Variants in WDFY3 observed in about 807,000 individuals in gnomAD.
WDFY3 encodes the protein WD repeat and FYVE domain-containing protein 3.
Under a neutral mutation model 409.6 loss-of-function variants are expected in WDFY3, and 66 were observed. The ratio of observed to expected loss-of-function variants is 0.16; its 90% CI spans 0.13 to 0.20. The LOEUF (loss-of-function observed/expected upper bound fraction) is 0.20. Ranked by LOEUF, WDFY3 falls within the 10% of genes least tolerant of loss-of-function variation. WDFY3 has a pLI of 1.00. For synonymous variants in WDFY3, 1,521 were observed against 1,537.1 expected, an observed-to-expected ratio of 0.99 and a Z score of 0.25; for missense variants, 3,031 against 4,298.1, an observed-to-expected ratio of 0.71 and a Z score of 8.24.
chr4:84,767,765 G>T (rs1743931406), intron 30 of WDFY3, among the ~76,000 whole-genome samples: 1 of 152,268 alleles, frequency 6.6e-6, no homozygotes, highest in African/African-American at 2.4e-5. Flanking sequence ...ACTCTATGAA[G>T]GCTGAGAGAG....
At chr4:84,945,085 CT>C (rs1447021820) in intron 1 of WDFY3, among the ~76,000 whole-genome samples, 1 of 152,148 alleles carries the variant, frequency 6.6e-6, no homozygotes, top group Non-Finnish European at 1.5e-5. Context: ...CAGAATTCTG[CT>C]AACAAATCAA....
chr4:84,960,620 A>T (rs538086866), intron 1 of WDFY3, among the ~76,000 whole-genome samples: 1 of 152,250 alleles, frequency 6.6e-6, no homozygotes, highest in African/African-American at 2.4e-5. Flanking sequence ...ACAGTCTAAC[A>T]TGACTATGTA....
At chr4:84,952,871 T>C (rs567022178) in intron 1 of WDFY3, among the ~76,000 whole-genome samples, 2 of 152,246 alleles carry the variant, frequency 1.3e-5, no homozygotes, top group Non-Finnish European at 2.9e-5. Flanking sequence ...GAAAATAGTA[T>C]GGAGGGTCCT....
Position 84,691,722 on chromosome 4 carries a change from T to C in WDFY3, c.9113A>G (p.Asn3038Ser), listed in dbSNP as rs769886011. The C allele has an allele frequency of 1.9e-6, 3 of 1,614,172 alleles. No homozygotes were observed. Among genetic ancestry groups the C allele is most frequent in the Non-Finnish European group, 8.5e-7 (1 of 1,180,004 alleles). ...TDKGILAVEQ[N>S]KVLIPPTWNK... ...CCAGGTTGGTGGGATAAGAACCTTA[T>C]TCTGTTCCACCGCAAGAATACCTTT... The change falls in exon 60 of 68, where the codon AAT (asparagine) becomes AGT (serine). Residue 3038 changes from asparagine to serine, a missense_variant. Around this residue, in one of 16 missense-constraint regions of WDFY3, gnomAD observed 152 missense variants for 193.5 expected, o/e 0.79. Transcript: ENST00000295888.
In WDFY3 at chr4:84,796,652, C is replaced by T. The variant is rs749488309; in HGVS notation, c.3036G>A (p.Ala1012=). Residue 1012 remains alanine (A), a synonymous_variant, in exon 19 of 68, where the codon GCG becomes GCA. Coordinates refer to ENST00000295888, the MANE Select transcript of WDFY3 (RefSeq NM_014991.6). The part of the protein sequence containing the change: ...YRISKSLVKS[A]EGSTVPLTRV... ...TGGTCAGGGGTACAGTACTTCCTTC[C>T]GCAGATTTTACCAGGCTCTTGCTTA... The T allele has an allele frequency of 1.6e-5, 26 of 1,613,982 alleles. No individual in the cohort carries two copies. Among genetic ancestry groups the T allele is most frequent in the Admixed American group, 8.3e-5 (5 of 59,998 alleles).
intron 56 of WDFY3, among the ~76,000 whole-genome samples, chr4:84,700,291 A>C (rs536645369): frequency 6.6e-6 from 1 of 152,114 alleles, no homozygotes; most frequent in Non-Finnish European, 1.5e-5. Context: ...TGCAGCCTCA[A>C]CTCCTGGGGT....
intron 3 of WDFY3, among the ~76,000 whole-genome samples, chr4:84,868,733 C>A (rs532008645): frequency 6.6e-6 from 1 of 152,168 alleles, no homozygotes; most frequent in South Asian, 2.1e-4. Context: ...TTTCTGGAAC[C>A]CTTTCTACAA....
In WDFY3 at chr4:84,696,739, T is replaced by C; in HGVS notation, c.8681A>G (p.His2894Arg). 1 of 1,613,744 alleles carries C rather than the reference T, an allele frequency of 6.2e-7. No individual in the cohort carries two copies. Among genetic ancestry groups the C allele is most frequent in the Non-Finnish European group, 8.5e-7 (1 of 1,179,750 alleles). ...KGDPREFIRV[H>R]REALECDYVS... The stretch of plus-strand genomic sequence containing the variant: ...AAAATGTACTTCCATTACCTCACGA[T>C]GGACTCTGATGAATTCTCGTGGGTC... The change falls in exon 57 of 68, where the codon CAT (histidine) becomes CGT (arginine). Residue 2894 changes from histidine to arginine, a missense_variant. Physicochemically the swap from His to Arg is conservative, Grantham distance 29. Coordinates refer to ENST00000295888, the MANE Select transcript of WDFY3 (RefSeq NM_014991.6).
chr4:84,944,550 G>A (rs1008502569), intron 1 of WDFY3, among the ~76,000 whole-genome samples: 21 of 149,792 alleles, frequency 1.4e-4, no homozygotes, highest in African/African-American at 4.9e-4. Flanking sequence ...CAGGCTGGGT[G>A]CAGTGGCTCA....
intron 23 of WDFY3, 127 bp downstream of exon 23, chr4:84,787,355 G>C (rs1747740923): frequency 7.1e-6 from 6 of 839,478 alleles, no homozygotes; most frequent in Non-Finnish European, 1.1e-5. Flanking sequence ...GTATCCTGCT[G>C]AAGAAGATTA....
intron 61 of WDFY3, 74 bp from the exon 62 acceptor site, chr4:84,688,339 T>C (rs969541856): frequency 2.0e-6 from 3 of 1,472,718 alleles, no homozygotes; most frequent in Non-Finnish European, 2.8e-6. Context: ...CAGAAGCTCC[T>C]GGATGCATCA....
chr4:84,706,403 A>G (rs1731943973), intron 53 of WDFY3, among the ~76,000 whole-genome samples: 1 of 152,178 alleles, frequency 6.6e-6, no homozygotes, highest in African/African-American at 2.4e-5. Flanking sequence ...AAGTATGTAC[A>G]AAGTACCAGG....
intron 2 of WDFY3, among the ~76,000 whole-genome samples, chr4:84,904,357 A>T (rs1338649868): frequency 4.6e-5 from 7 of 152,022 alleles, no homozygotes; most frequent in African/African-American, 1.7e-4. Context: ...TCTCCTGCCT[A>T]GGCGAAACAG....
At chr4:84,817,371 A>T in intron 13 of WDFY3, 21 bp downstream of exon 13, 1 of 1,612,350 alleles carries the variant, frequency 6.2e-7, no homozygotes, top group Non-Finnish European at 8.5e-7. Context: ...AAAAGAAGGG[A>T]AACACATTTA....
chr4:84,778,207 G>A (rs1432984305), intron 27 of WDFY3, among the ~76,000 whole-genome samples: 1 of 152,088 alleles, frequency 6.6e-6, no homozygotes, highest in Non-Finnish European at 1.5e-5. Flanking sequence ...GTTTCTATCA[G>A]AATTGCCTGA....
chr4:84,678,965 G>A lies in WDFY3; in HGVS notation c.10101C>T (p.Pro3367=). ...RAHLQGPLSH[P]HPNPIEVRNY... ...TCCGCACCTCAATGGGATTGGGGTG[G>A]GGGTGGCTAAGGGGGCCCTGCAGAT... Residue 3367 remains proline, a synonymous_variant, in exon 65 of 68, where the codon CCC becomes CCT. Transcript: ENST00000295888. 6.2e-7 allele frequency: 1 copy of A among 1,614,204 alleles called. No individual in the cohort carries two copies. The highest frequency in any genetic ancestry group is 1.7e-5 in the Admixed American group (1 of 60,022).
intron 1 of WDFY3, chr4:84,965,590 A>T (rs535567980): frequency 6.6e-6 from 1 of 152,338 alleles, no homozygotes; most frequent in East Asian, 1.9e-4. Context: ...CGTAACTGTG[A>T]ATGTTTGCGA....
At chr4:84,786,994 C>T (rs1478133572) in intron 23 of WDFY3, among the ~76,000 whole-genome samples, 1 of 152,120 alleles carries the variant, frequency 6.6e-6, no homozygotes, top group Non-Finnish European at 1.5e-5. Context: ...GCCAGCTTAA[C>T]ATCAGTTCCT....
chr4:84,696,390 G>C (rs1730148864), intron 57 of WDFY3, among the ~76,000 whole-genome samples: 1 of 152,120 alleles, frequency 6.6e-6, no homozygotes, highest in Non-Finnish European at 1.5e-5. Context: ...ATATTTATGA[G>C]AGTGAGAGAC....
Sources: gnomAD v4.1 joint callset for allele counts (sites outside exome capture counted in the v4.1 genomes callset) on GRCh38, gnomAD v4.1.1 for gene constraint, gnomAD v4.1.1 regional missense constraint, MANE v1.5 for transcripts, NCBI Gene and HGNC (gene_info 2026-07-23, HGNC 2026-07-21) for gene names.